PRKCB: variants seen among roughly 807,000 people sequenced by gnomAD.
The protein encoded by PRKCB is protein kinase C beta.
PRKCB carries 13 observed loss-of-function variants against 81.5 expected under a neutral mutation model. That is an observed-to-expected ratio of 0.16 (90% CI 0.10 to 0.25). The LOEUF (loss-of-function observed/expected upper bound fraction) is 0.25. PRKCB is among the 10% of genes least tolerant of loss of function. PRKCB has a pLI of 1.00. For synonymous variants in PRKCB, 335 were observed against 321.4 expected, an observed-to-expected ratio of 1.04 and a Z score of -0.45; for missense variants, 509 against 875.7, an observed-to-expected ratio of 0.58 and a Z score of 5.29.
chr16:24,049,645 G>C (rs1341669510), intron 5 of PRKCB, among the ~76,000 whole-genome samples: 2 of 152,052 alleles, frequency 1.3e-5, no homozygotes, highest in Non-Finnish European at 2.9e-5. Context: ...AGTGGCCCAG[G>C]GAACATCTAG....
chr16:24,118,362 A>C (rs1596556069), intron 8 of PRKCB, among the ~76,000 whole-genome samples: 1 of 152,224 alleles, frequency 6.6e-6, no homozygotes, highest in South Asian at 2.1e-4. Context: ...TGGTTGTTAT[A>C]ATTATTGTCT....
chr16:24,115,358 T>C (rs1257535438), intron 8 of PRKCB, among the ~76,000 whole-genome samples: 1 of 124,784 alleles, frequency 8.0e-6, no homozygotes, highest in Non-Finnish European at 2.0e-5. Context: ...AGAGTATTTA[T>C]CCCAAGGATT....
chr16:24,166,927 A>C (rs1967356157), intron 10 of PRKCB, among the ~76,000 whole-genome samples: 1 of 152,070 alleles, frequency 6.6e-6, no homozygotes, highest in Non-Finnish European at 1.5e-5. Context: ...CCTACAGTGG[A>C]GCGATCCCCT....
In PRKCB at chr16:24,154,801, G is replaced by A. The variant is rs763837460; in HGVS notation, c.1183G>A (p.Ala395Thr). 9.0e-5 allele frequency: 145 copies of A among 1,614,064 alleles called. No homozygotes were observed. The highest frequency in any genetic ancestry group is 9.8e-5 in the Non-Finnish European group (116 of 1,180,010). ...ECTMVEKRVL[A>T]LPGKPPFLTQ... is the part of the protein sequence containing the mutation. ...CACTATGGTGGAGAAGCGGGTGTTG[G>A]CCCTGCCTGGGAAGCCGCCCTTCCT... The change falls in exon 10 of 17, where the codon GCC becomes ACC. Residue 395 changes from alanine (A) to threonine (T), a missense_variant. Ala to Thr is a moderately conservative substitution (Grantham distance 58). Coordinates refer to ENST00000643927, the MANE Select transcript of PRKCB (RefSeq NM_002738.7).
intron 5 of PRKCB, among the ~76,000 whole-genome samples, chr16:24,074,474 C>A (rs1481355303): frequency 1.3e-5 from 2 of 152,196 alleles, no homozygotes; most frequent in African/African-American, 4.8e-5. Context: ...TGAGATAATT[C>A]ATGTGCAGTC....
chr16:24,153,031 C>T (rs1967102356), intron 9 of PRKCB, among the ~76,000 whole-genome samples: 1 of 152,142 alleles, frequency 6.6e-6, no homozygotes, highest in Non-Finnish European at 1.5e-5. Flanking sequence ...CTGGCAAGCT[C>T]AGCTCGGAAG....
chr16:24,085,679 C>A (rs550581000), intron 5 of PRKCB, among the ~76,000 whole-genome samples: 1 of 152,244 alleles, frequency 6.6e-6, no homozygotes, highest in South Asian at 2.1e-4. Flanking sequence ...GGTGGGGAGA[C>A]AAAGGCTCAG....
At chr16:24,072,407 G>A (rs1226248951) in intron 5 of PRKCB, among the ~76,000 whole-genome samples, 2 of 151,348 alleles carry the variant, frequency 1.3e-5, no homozygotes, top group African/African-American at 4.9e-5. Context: ...AGCTGGGACT[G>A]TAGGCATGCA....
chr16:24,088,714 CAAAAAAAA>C (rs56883594), intron 5 of PRKCB, among the ~76,000 whole-genome samples: 3 of 113,650 alleles, frequency 2.6e-5, no homozygotes, highest in Non-Finnish European at 3.6e-5. Flanking sequence ...GACCCTGTGT[CAAAAAAAA>C]AAAAAAAAAA....
intron 2 of PRKCB, among the ~76,000 whole-genome samples, chr16:23,908,102 G>A (rs913669883): frequency 3.8e-4 from 58 of 152,210 alleles, no homozygotes; most frequent in African/African-American, 1.4e-3. Flanking sequence ...GAAGAGGAGA[G>A]GGAAGTGGGT....
chr16:24,081,907 T>C (rs28798484), intron 5 of PRKCB, among the ~76,000 whole-genome samples: 4,653 of 150,866 alleles, frequency 0.031, 168 homozygotes, highest in African/African-American at 0.095. Context: ...AAAAACCATA[T>C]GGAATGGAAA....
At chr16:24,185,053 G>A (rs1967682297) in intron 13 of PRKCB, 58 bp from the exon 14 acceptor site, 6 of 1,389,992 alleles carry the variant, frequency 4.3e-6, no homozygotes, top group Non-Finnish European at 6.1e-6. Flanking sequence ...AGTGAAATCT[G>A]TCTCCAGAAG....
chr16:24,049,047 GTTTTTTTTTTTTTTTTTT>G (rs1160842975), intron 5 of PRKCB, among the ~76,000 whole-genome samples: 4 of 49,692 alleles, frequency 8.0e-5, no homozygotes, highest in Middle Eastern at 0.022. Context: ...AAATTGGCCT[GTTTTTTTTTTTTTTTTTT>G]TTTTTTTTTT....
At chr16:23,895,321 AT>A (rs202143303) in intron 2 of PRKCB, among the ~76,000 whole-genome samples, 4,533 of 151,736 alleles carry the variant, frequency 0.03, 104 homozygotes, top group South Asian at 0.061. Context: ...TCACTGTTTT[AT>A]TTTTCCCCTC....
At chr16:23,924,258 C>A (rs754003280) in intron 2 of PRKCB, among the ~76,000 whole-genome samples, 8 of 152,064 alleles carry the variant, frequency 5.3e-5, no homozygotes, top group Non-Finnish European at 1.0e-4. Context: ...GCTTCCCCTT[C>A]GCCTTCTGTC....
chr16:24,027,989 C>T (rs919177395), intron 3 of PRKCB, among the ~76,000 whole-genome samples: 1 of 152,208 alleles, frequency 6.6e-6, no homozygotes, highest in African/African-American at 2.4e-5. Flanking sequence ...AGGCTGATCT[C>T]AAACTCCTGG....
intron 3 of PRKCB, among the ~76,000 whole-genome samples, chr16:24,018,656 C>T (rs984050302): frequency 5.3e-5 from 8 of 152,176 alleles, no homozygotes; most frequent in African/African-American, 1.7e-4. Flanking sequence ...GAAGCTTATC[C>T]TTCAAATGGA....
At chr16:23,984,500 CA>C (rs1964776455) in intron 2 of PRKCB, among the ~76,000 whole-genome samples, 1 of 151,944 alleles carries the variant, frequency 6.6e-6, no homozygotes, top group African/African-American at 2.4e-5. Flanking sequence ...GTTAAAGTAG[CA>C]ATTAATAAAG....
At chr16:23,978,642 G>A (rs1206093127) in intron 2 of PRKCB, among the ~76,000 whole-genome samples, 1 of 152,206 alleles carries the variant, frequency 6.6e-6, no homozygotes, top group Non-Finnish European at 1.5e-5. Flanking sequence ...GGAGTGTGGG[G>A]CAGTGGAGTG....
Sources: allele counts gnomAD v4.1 joint callset (sites outside exome capture counted in the v4.1 genomes callset), GRCh38; gene constraint gnomAD v4.1.1; transcripts MANE v1.5; gene names NCBI Gene and HGNC (gene_info 2026-07-23, HGNC 2026-07-21).